The following SLC38A12 variants were observed in gnomAD, a reference collection of about 807,000 sequenced individuals.
SLC38A12 encodes putative sodium-coupled neutral amino acid transporter 12.
chr17:74,808,561 G>A, the SLC38A12 span, among the ~76,000 whole-genome samples: 1 of 152,134 alleles, frequency 6.6e-6, no homozygotes, highest in African/African-American at 2.4e-5. Flanking sequence ...CCTGCCCCGG[G>A]GCAGAGCCTT....
At chr17:74,789,845 CAAAAAAAAAA>C in the SLC38A12 span, among the ~76,000 whole-genome samples, 2 of 47,412 alleles carry the variant, frequency 4.2e-5, no homozygotes, top group African/African-American at 1.5e-4. Flanking sequence ...AACTTCGTCT[CAAAAAAAAAA>C]AAAAAAAAAA....
the SLC38A12 span, among the ~76,000 whole-genome samples, chr17:74,782,850 C>T: frequency 2.0e-5 from 3 of 152,168 alleles, no homozygotes; most frequent in Non-Finnish European, 2.9e-5. Context: ...AGATTGAGGG[C>T]TGGGCGTGTT....
the SLC38A12 span, among the ~76,000 whole-genome samples, chr17:74,827,688 G>A: frequency 6.6e-6 from 1 of 152,180 alleles, no homozygotes; most frequent in Non-Finnish European, 1.5e-5. The surrounding 1 kb of genome is among the most constrained non-coding windows in gnomAD (Gnocchi z 4.7). Flanking sequence ...TAACTTGGCC[G>A]TTTCCAAGCC....
chr17:74,781,324 G>A, the SLC38A12 span, among the ~76,000 whole-genome samples: 1 of 151,848 alleles, frequency 6.6e-6, no homozygotes, highest in African/African-American at 2.4e-5. Context: ...TTAAGACAGG[G>A]TCTCACTGTG....
chr17:74,794,857 T>C, the SLC38A12 span, among the ~76,000 whole-genome samples: 1 of 151,948 alleles, frequency 6.6e-6, no homozygotes, highest in African/African-American at 2.4e-5. Context: ...AAATAGGACT[T>C]TGGGGTCATT....
the SLC38A12 span, among the ~76,000 whole-genome samples, chr17:74,783,830 A>AAGC: frequency 6.9e-6 from 1 of 143,888 alleles, no homozygotes; most frequent in South Asian, 2.2e-4. Context: ...TCCCGGGTTC[A>AAGC]AGCGATCCCC....
At chr17:74,835,603 C>T in the SLC38A12 span, among the ~76,000 whole-genome samples, 1 of 152,212 alleles carries the variant, frequency 6.6e-6, no homozygotes, top group Non-Finnish European at 1.5e-5. Flanking sequence ...AGTGCCTGCC[C>T]AGGACTGGCC....
At chr17:74,836,768 C>T in the SLC38A12 span, 2 of 1,499,472 alleles carry the variant, frequency 1.3e-6, no homozygotes, top group South Asian at 1.4e-5. This position sits in a 1 kb window ranked among gnomAD's most constrained non-coding sequence, Gnocchi z 4.2. Flanking sequence ...GATTTAGTTG[C>T]TCCCAGGTCT....
the SLC38A12 span, chr17:74,790,212 G>T: frequency 3.1e-6 from 5 of 1,613,534 alleles, no homozygotes; most frequent in Non-Finnish European, 4.2e-6. Flanking sequence ...GGAGGAAGAT[G>T]ACGACTCCTC....
chr17:74,802,215 G>C, the SLC38A12 span, among the ~76,000 whole-genome samples: 1 of 152,166 alleles, frequency 6.6e-6, no homozygotes, highest in Non-Finnish European at 1.5e-5. Context: ...CAGGGACGTG[G>C]GTTCGGTTGA....
chr17:74,808,620 GCTT>G, the SLC38A12 span, among the ~76,000 whole-genome samples: 1 of 152,230 alleles, frequency 6.6e-6, no homozygotes, highest in Non-Finnish European at 1.5e-5. Context: ...AGCTTGGAGA[GCTT>G]GGGAAGGGCT....
chr17:74,788,310 C>T, the SLC38A12 span, among the ~76,000 whole-genome samples: 1 of 152,192 alleles, frequency 6.6e-6, no homozygotes, highest in Non-Finnish European at 1.5e-5. Context: ...ATTATCCATG[C>T]CTGCGCTCCT....
At chr17:74,808,587 C>T in the SLC38A12 span, among the ~76,000 whole-genome samples, 8 of 152,168 alleles carry the variant, frequency 5.3e-5, no homozygotes, top group Non-Finnish European at 8.8e-5. Context: ...GAATGACAGA[C>T]ATCAGTCTCA....
chr17:74,811,346 A>AG, the SLC38A12 span, among the ~76,000 whole-genome samples: 1 of 151,996 alleles, frequency 6.6e-6, no homozygotes. Context: ...CCAAAAAAAA[A>AG]CAAACAAAAA....
the SLC38A12 span, among the ~76,000 whole-genome samples, chr17:74,812,475 G>A: frequency 1.3e-5 from 2 of 152,146 alleles, no homozygotes; most frequent in Non-Finnish European, 2.9e-5. Flanking sequence ...CTTCAAGGAC[G>A]TGTTGAAAGT....
chr17:74,836,516 CCTGGTGTACCA>C, the SLC38A12 span: 1 of 1,612,712 alleles, frequency 6.2e-7, no homozygotes, highest in Non-Finnish European at 8.5e-7. The surrounding 1 kb of genome is among the most constrained non-coding windows in gnomAD (Gnocchi z 4.2). Context: ...TCCCCGCCTT[CCTGGTGTACCA>C]CTGCCGCAGG....
At chr17:74,837,041 A>G in the SLC38A12 span, 9 of 1,063,596 alleles carry the variant, frequency 8.5e-6, no homozygotes, top group African/African-American at 1.5e-4. Context: ...TGGGAGATGC[A>G]GTGCTGGCAC....
At chr17:74,777,475 G>A in the SLC38A12 span, 14 of 1,586,068 alleles carry the variant, frequency 8.8e-6, no homozygotes, top group Middle Eastern at 3.3e-4. Context: ...GCTGCTGCTT[G>A]AGCAGACCAT....
the SLC38A12 span, among the ~76,000 whole-genome samples, chr17:74,776,735 G>T: frequency 3.9e-5 from 6 of 152,174 alleles, no homozygotes; most frequent in South Asian, 4.1e-4. Context: ...GAGCTTTGAG[G>T]GTGGGGAACC....
Sources: gnomAD v4.1 joint callset for allele counts (sites outside exome capture counted in the v4.1 genomes callset) on GRCh38, gnomAD v4.1.1 for gene constraint, Gnocchi (gnomAD v3.1) non-coding constraint, MANE v1.5 for transcripts, NCBI Gene and HGNC (gene_info 2026-07-23, HGNC 2026-07-21) for gene names.